TSPAN18: variants seen among roughly 807,000 people sequenced by gnomAD.
TSPAN18 encodes tetraspanin 18, also known as tetraspanin-18.
Under a neutral mutation model 27.3 loss-of-function variants are expected in TSPAN18, and 14 were observed. The ratio of observed to expected loss-of-function variants is 0.51; its 90% CI spans 0.34 to 0.80. The LOEUF (loss-of-function observed/expected upper bound fraction) is 0.80. Ranked by LOEUF, TSPAN18 falls within the 30% of genes least tolerant of loss-of-function variation. The pLI is 0.01. For synonymous variants in TSPAN18, 143 were observed against 136.5 expected (o/e 1.05, Z -0.33); for missense variants, 268 against 323.9 (o/e 0.83, Z 1.32).
intron 2 of TSPAN18, among the ~76,000 whole-genome samples, chr11:44,773,413 T>C (rs1450189756): frequency 6.8e-6 from 1 of 147,384 alleles, no homozygotes; most frequent in Non-Finnish European, 1.5e-5. Context: ...TGAAACTCCA[T>C]CTCAAAAAAA....
At chr11:44,847,516 A>G (rs1365461557) in intron 2 of TSPAN18, among the ~76,000 whole-genome samples, 1 of 152,228 alleles carries the variant, frequency 6.6e-6, no homozygotes, top group East Asian at 1.9e-4. Flanking sequence ...CATTTCATGG[A>G]TATACCACAT....
intron 1 of TSPAN18, among the ~76,000 whole-genome samples, chr11:44,728,854 A>G (rs1854583062): frequency 1.3e-5 from 2 of 152,218 alleles, no homozygotes; most frequent in Admixed American, 1.3e-4. Context: ...CTTTCTCTCC[A>G]GTTCCCTCCC....
chr11:44,861,607 A>G (rs76548280), intron 3 of TSPAN18, among the ~76,000 whole-genome samples: 3 of 151,628 alleles, frequency 2.0e-5, no homozygotes, highest in Admixed American at 2.0e-4. Context: ...AAAAGGAGAA[A>G]GGAATGCTGG....
intron 1 of TSPAN18, among the ~76,000 whole-genome samples, chr11:44,753,871 C>G (rs1314848679): frequency 1.3e-5 from 2 of 152,220 alleles, no homozygotes; most frequent in Non-Finnish European, 2.9e-5. Flanking sequence ...ACTCCCATCT[C>G]TAATTCTGCC....
At chr11:44,859,020 T>C (rs957548054) in intron 2 of TSPAN18, among the ~76,000 whole-genome samples, 1 of 152,204 alleles carries the variant, frequency 6.6e-6, no homozygotes, top group Non-Finnish European at 1.5e-5. Context: ...GCTCACCAGC[T>C]TGCAGAGCGC....
intron 1 of TSPAN18, among the ~76,000 whole-genome samples, chr11:44,759,683 C>T (rs771991062): frequency 5.9e-5 from 9 of 152,276 alleles, no homozygotes; most frequent in South Asian, 4.1e-4. Context: ...TTTATAAATC[C>T]ATTCACTACC....
At chr11:44,738,009 A>G (rs1316835284) in intron 1 of TSPAN18, among the ~76,000 whole-genome samples, 4 of 151,714 alleles carry the variant, frequency 2.6e-5, no homozygotes, top group Admixed American at 2.6e-4. Flanking sequence ...CTCTTGGATG[A>G]CTGTTGACTT....
chr11:44,878,790 C>T (rs544212703), intron 3 of TSPAN18, among the ~76,000 whole-genome samples: 2 of 152,306 alleles, frequency 1.3e-5, no homozygotes, highest in East Asian at 1.9e-4. Flanking sequence ...CAAATGTGCT[C>T]TCCCACTCTT....
chr11:44,794,501 C>T (rs1856302631), intron 2 of TSPAN18, among the ~76,000 whole-genome samples: 1 of 152,114 alleles, frequency 6.6e-6, no homozygotes, highest in Non-Finnish European at 1.5e-5. Context: ...AATCTCGTCT[C>T]TACTACAAAG....
Position 44,858,948 on chromosome 11 carries a change from C to T in TSPAN18, c.-152-1380C>T, listed in dbSNP as rs186048759. ...TTTTGGAAAATGCTGGGAATGCCAC[C>T]CCTCCTGGGGAATGCACCCTCCCCC... On this transcript the variant is annotated intron_variant, in intron 2 of 9. Transcript: ENST00000520358. Among the ~76,000 whole-genome samples, 222 of 152,288 alleles carry T rather than the reference C, an allele frequency of 1.5e-3. 1 individual carries two copies. The highest frequency in any genetic ancestry group is 5.1e-3 in the African/African-American group (212 of 41,554).
chr11:44,742,283 T>A (rs1854958086), intron 1 of TSPAN18, among the ~76,000 whole-genome samples: 2 of 132,816 alleles, frequency 1.5e-5, no homozygotes, highest in South Asian at 5.6e-4. Flanking sequence ...TTCCCTTCCT[T>A]CTTTCTTCCC....
intron 2 of TSPAN18, among the ~76,000 whole-genome samples, chr11:44,831,656 G>A (rs938856371): frequency 2.0e-5 from 3 of 152,298 alleles, no homozygotes; most frequent in East Asian, 1.9e-4. Flanking sequence ...ACAAATCTAG[G>A]TTGAGTGTCC....
chr11:44,767,692 A>G (rs932982484), intron 2 of TSPAN18, among the ~76,000 whole-genome samples: 2 of 152,264 alleles, frequency 1.3e-5, no homozygotes, highest in African/African-American at 4.8e-5. Flanking sequence ...ATTCGAGATC[A>G]TGGAGATTTA....
intron 1 of TSPAN18, among the ~76,000 whole-genome samples, chr11:44,729,417 CCA>C (rs1417204965): frequency 1.3e-5 from 2 of 152,178 alleles, no homozygotes; most frequent in African/African-American, 2.4e-5. Context: ...CTCCCTACCC[CCA>C]CCCCACTTTT....
intron 1 of TSPAN18, among the ~76,000 whole-genome samples, chr11:44,740,195 G>A (rs967874823): frequency 6.6e-6 from 1 of 152,172 alleles, no homozygotes; most frequent in East Asian, 1.9e-4. Context: ...TTTTCATCTT[G>A]TGGGGTGCAG....
At chr11:44,810,915 C>T (rs904746994) in intron 2 of TSPAN18, among the ~76,000 whole-genome samples, 1 of 152,048 alleles carries the variant, frequency 6.6e-6, no homozygotes, top group Non-Finnish European at 1.5e-5. Context: ...AACCTGTTTT[C>T]AATTCTTTTG....
At chr11:44,749,628 C>CT (rs1855161542) in intron 1 of TSPAN18, among the ~76,000 whole-genome samples, 2 of 124,530 alleles carry the variant, frequency 1.6e-5, no homozygotes, top group African/African-American at 3.5e-5. Context: ...GAACGTGGAA[C>CT]TTTCTTTTTT....
At chr11:44,752,272 A>G (rs113213954) in intron 1 of TSPAN18, among the ~76,000 whole-genome samples, 3,617 of 152,356 alleles carry the variant, frequency 0.024, 82 homozygotes, top group African/African-American at 0.058. Flanking sequence ...CGATACAAGG[A>G]AAGTGACTTT....
chr11:44,875,377 A>C (rs1858301214), intron 3 of TSPAN18, among the ~76,000 whole-genome samples: 1 of 152,218 alleles, frequency 6.6e-6, no homozygotes, highest in Non-Finnish European at 1.5e-5. Context: ...TCCTCAAACA[A>C]TACTCTCTGG....
Sources: allele counts gnomAD v4.1 joint callset (sites outside exome capture counted in the v4.1 genomes callset), GRCh38; gene constraint gnomAD v4.1.1; transcripts MANE v1.5; gene names NCBI Gene and HGNC (gene_info 2026-07-23, HGNC 2026-07-21).